Variants in FUCA2 observed in about 807,000 individuals in gnomAD.
FUCA2 encodes alpha-L-fucosidase 2.
FUCA2 carries 41 observed loss-of-function variants against 52.6 expected under a neutral mutation model. The observed-to-expected ratio is 0.78, with a 90% CI of 0.61 to 1.01. The LOEUF (loss-of-function observed/expected upper bound fraction) is 1.01. FUCA2 is among the 50% of genes least tolerant of loss of function. FUCA2 has a pLI of 0.00. For missense variants in FUCA2, 507 were observed against 569.5 expected, an observed-to-expected ratio of 0.89 and a Z score of 1.12; for synonymous variants, 211 against 217.3, an observed-to-expected ratio of 0.97 and a Z score of 0.26.
chr6:143,501,871 G>A lies in FUCA2; in HGVS notation c.1154+61C>T. ...CTTTTTATCCTACTCTTCTTTATAT[G>A]TCTGATAAATTTTAAATCTCTTCCT... is the stretch of plus-strand genomic sequence containing the variant. On this transcript the variant is annotated intron_variant, in intron 5 of 6. Coordinates refer to ENST00000002165, the MANE Select transcript of FUCA2 (RefSeq NM_032020.5). The surrounding 1 kb of genome is among the most constrained non-coding windows in gnomAD (Gnocchi z 6.1). 7.0e-7 allele frequency: 1 copy of A among 1,423,756 alleles called. No individual in the cohort carries two copies. Among genetic ancestry groups the A allele is most frequent in the East Asian group, 2.3e-5 (1 of 43,788 alleles). The allele number at this position is 1,423,756 out of a possible 1,614,324, so 88.2% of individuals were successfully genotyped here. A position where few individuals can be genotyped will look rare whatever the true frequency, so the allele number is the denominator to read the frequency against.
chr6:143,502,107 CT>C lies in FUCA2; in HGVS notation c.978del (p.Val327PhefsTer8). On this transcript the variant is annotated frameshift_variant, in exon 5 of 7. Coordinates refer to ENST00000002165, the MANE Select transcript of FUCA2 (RefSeq NM_032020.5). LOFTEE classifies it high-confidence loss of function. The surrounding 1 kb of genome is among the most constrained non-coding windows in gnomAD (Gnocchi z 4.1). ...ATCAAAAGATTTCCTCCACATGAAA[CT>C]GTCTCTACAAGTTGCTAAAAAATTA... ...IEELVKQLVE[T>X]VSCGGNLLMN... 2 of 1,607,558 alleles carry C rather than the reference CT, an allele frequency of 1.2e-6. No individual in the cohort carries two copies. Among genetic ancestry groups the C allele is most frequent in the Non-Finnish European group, 1.7e-6 (2 of 1,177,412 alleles).
In FUCA2 at chr6:143,497,303, G is replaced by C. The variant is rs1780472312; in HGVS notation, c.1263+86C>G. The C allele has an allele frequency of 4.6e-6, 4 of 865,666 alleles. No individual in the cohort carries two copies. The highest frequency in any genetic ancestry group is 5.9e-6 in the Non-Finnish European group (3 of 511,588). The allele number at this position is 865,666 out of a possible 1,614,324, so 53.6% of individuals were successfully genotyped here. A position where few individuals can be genotyped will look rare whatever the true frequency, so the allele number is the denominator to read the frequency against. On this transcript the variant is annotated intron_variant, in intron 6 of 6. Coordinates refer to ENST00000002165, the MANE Select transcript of FUCA2 (RefSeq NM_032020.5). This position sits in a 1 kb window ranked among gnomAD's most constrained non-coding sequence, Gnocchi z 5.3. ...CCTTTTATGAAGTATAAGTGAAACA[G>C]TTATAAGGCTCCCCTTAAAAGTTAA...
rs1257184676 is a variant in FUCA2 at position 143,499,023 on chromosome 6, A to G, written c.1155-1526T>C. Reference sequence around the variant, plus strand: ...GGTTTTGGGCTTGACAACCACCTAAAGGATGAAGCTGCCGTTAACTGAGAT... The same window carrying G: ...GGTTTTGGGCTTGACAACCACCTAAGGGATGAAGCTGCCGTTAACTGAGAT... On this transcript the variant is annotated intron_variant, in intron 5 of 6. Coordinates refer to ENST00000002165, the MANE Select transcript of FUCA2 (RefSeq NM_032020.5). The surrounding 1 kb of genome is among the most constrained non-coding windows in gnomAD (Gnocchi z 6.0). 6.6e-6 allele frequency among the ~76,000 whole-genome samples: 1 copy of G among 152,204 alleles called. No homozygotes were observed. The highest frequency in any genetic ancestry group is 6.5e-5 in the Admixed American group (1 of 15,288).
chr6:143,497,295 G>T lies in FUCA2; in HGVS notation c.1263+94C>A. 2.5e-6 allele frequency: 2 copies of T among 807,514 alleles called. No individual in the cohort carries two copies. The highest frequency in any genetic ancestry group is 2.1e-6 in the Non-Finnish European group (1 of 467,590). The allele number at this position is 807,514 out of a possible 1,614,324, so 50.0% of individuals were successfully genotyped here. ...TTACAATTCCTTTTATGAAGTATAA[G>T]TGAAACAGTTATAAGGCTCCCCTTA... On this transcript the variant is annotated intron_variant, in intron 6 of 6. Transcript: ENST00000002165. The surrounding 1 kb of genome is among the most constrained non-coding windows in gnomAD (Gnocchi z 5.3).
chr6:143,498,978 G>T (rs1780499487), intron 5 of FUCA2, among the ~76,000 whole-genome samples: 1 of 152,156 alleles, frequency 6.6e-6, no homozygotes, highest in Non-Finnish European at 1.5e-5. Context: ...TATAAAAGAA[G>T]GGGAAACTAA....
rs1780661648 is a variant in FUCA2, at chr6:143,510,041, C to A, written c.224+1370G>T. ...TCTGTACTAGAAGGAAAGGCAACATCCTAAGCTTCAAAGACAAGAAGTAGA... is the reference window on the plus strand; with the variant it reads ...TCTGTACTAGAAGGAAAGGCAACATACTAAGCTTCAAAGACAAGAAGTAGA... On this transcript the variant is annotated intron_variant, in intron 1 of 6. Coordinates refer to ENST00000002165, the MANE Select transcript of FUCA2 (RefSeq NM_032020.5). This position sits in a 1 kb window ranked among gnomAD's most constrained non-coding sequence, Gnocchi z 4.4. 1.3e-5 allele frequency among the ~76,000 whole-genome samples: 2 copies of A among 152,174 alleles called. No individual in the cohort carries two copies. The highest frequency in any genetic ancestry group is 4.8e-5 in the African/African-American group (2 of 41,446).
chr6:143,500,208 T>C lies in FUCA2; in HGVS notation c.1154+1724A>G, dbSNP rs1267799453. On this transcript the variant is annotated intron_variant, in intron 5 of 6. Transcript: ENST00000002165. The surrounding 1 kb of genome is among the most constrained non-coding windows in gnomAD (Gnocchi z 6.9). ...GGTGTATGCAATAGATTAGTTACAG[T>C]GATGGGCCACAGAATCTGTCCCGGA... Among the ~76,000 whole-genome samples the C allele has an allele frequency of 1.3e-5, 2 of 151,928 alleles. No homozygotes were observed.
chr6:143,502,198 T>C lies in FUCA2; in HGVS notation c.964-76A>G. ...AATGTGCTAATATGTTGCATTTATA[T>C]ATTTATACATGTATATATAGTCACT... On this transcript the variant is annotated intron_variant, in intron 4 of 6. Coordinates refer to ENST00000002165, the MANE Select transcript of FUCA2 (RefSeq NM_032020.5). This position sits in a 1 kb window ranked among gnomAD's most constrained non-coding sequence, Gnocchi z 4.1. The C allele has an allele frequency of 3.0e-6, 4 of 1,338,598 alleles. No individual in the cohort carries two copies. Among genetic ancestry groups the C allele is most frequent in the African/African-American group, 3.0e-5 (2 of 67,084 alleles). The allele number at this position is 1,338,598 out of a possible 1,614,324, so 82.9% of individuals were successfully genotyped here. A position where few individuals can be genotyped will look rare whatever the true frequency, so the allele number is the denominator to read the frequency against.
chr6:143,506,943 C>A, intron 2 of FUCA2: 2 of 317,386 alleles, frequency 6.3e-6, no homozygotes, highest in East Asian at 8.1e-5. Context: ...GACTTGCAAC[C>A]CACACTCCCT....
In FUCA2 at chr6:143,511,408, C is replaced by G; in HGVS notation, c.224+3G>C. 6.2e-7 allele frequency: 1 copy of G among 1,609,206 alleles called. No individual in the cohort carries two copies. Among genetic ancestry groups the G allele is most frequent in the Non-Finnish European group, 8.5e-7 (1 of 1,177,384 alleles). On this transcript the variant is annotated splice_donor_region_variant and intron_variant, in intron 1 of 6. Transcript: ENST00000002165. This position sits in a 1 kb window ranked among gnomAD's most constrained non-coding sequence, Gnocchi z 6.3. ...CAGACGAGACAAAAGGGAGCGCACTCACCAGAACCACTCGCTACCGAAGCT... is the reference window on the plus strand; with the variant it reads ...CAGACGAGACAAAAGGGAGCGCACTGACCAGAACCACTCGCTACCGAAGCT...
chr6:143,498,596 A>T (rs1780493528), intron 5 of FUCA2, among the ~76,000 whole-genome samples: 1 of 152,178 alleles, frequency 6.6e-6, no homozygotes, highest in Non-Finnish European at 1.5e-5. Flanking sequence ...CTAGCAAGGC[A>T]GAGTGCCTGA....
At position 143,510,835 on chromosome 6, in the gene FUCA2, C is replaced by CGGCA. The variant is rs776906396; in HGVS notation, c.224+572_224+575dup. 1.3e-4 allele frequency among the ~76,000 whole-genome samples: 20 copies of CGGCA among 151,700 alleles called. No homozygotes were observed. Among genetic ancestry groups the CGGCA allele is most frequent in the Non-Finnish European group, 2.8e-4 (19 of 68,016 alleles). ...AGATTTTTGTGTAGCACCTTTCATA[C>CGGCA]GGCAGTATGATAACTGGGTTGTGTT... On this transcript the variant is annotated intron_variant, in intron 1 of 6. Coordinates refer to ENST00000002165, the MANE Select transcript of FUCA2 (RefSeq NM_032020.5). The surrounding 1 kb of genome is among the most constrained non-coding windows in gnomAD (Gnocchi z 4.4).
Position 143,499,225 on chromosome 6 carries a change from A to G in FUCA2, c.1155-1728T>C, listed in dbSNP as rs188678461. On this transcript the variant is annotated intron_variant, in intron 5 of 6. Coordinates refer to ENST00000002165, the MANE Select transcript of FUCA2 (RefSeq NM_032020.5). The surrounding 1 kb of genome is among the most constrained non-coding windows in gnomAD (Gnocchi z 6.0). The stretch of plus-strand genomic sequence containing the variant: ...AAATAGAAATGTGGAGATCATCAAT[A>G]TGGCATTTAAAGCCATGAAAATGGA... 7.9e-5 allele frequency among the ~76,000 whole-genome samples: 12 copies of G among 152,322 alleles called. No individual in the cohort carries two copies. The highest frequency in any genetic ancestry group is 2.9e-4 in the African/African-American group (12 of 41,566).
At position 143,507,053 on chromosome 6, in the gene FUCA2, C is replaced by T. The variant is rs1056146057; in HGVS notation, c.412+184G>A. Reference sequence around the variant, plus strand: ...TGTTACGTGGCGGGTATGATCCTTTCTGTATTCCTAACATCTCTCAATTTG... The same window carrying T: ...TGTTACGTGGCGGGTATGATCCTTTTTGTATTCCTAACATCTCTCAATTTG... On this transcript the variant is annotated intron_variant, in intron 2 of 6. Transcript: ENST00000002165. The surrounding 1 kb of genome is among the most constrained non-coding windows in gnomAD (Gnocchi z 4.5). The T allele has an allele frequency of 9.2e-6, 5 of 541,660 alleles. No individual in the cohort carries two copies. The highest frequency in any genetic ancestry group is 1.6e-5 in the Non-Finnish European group (5 of 315,538). The allele number at this position is 541,660 out of a possible 1,614,324, so 33.6% of individuals were successfully genotyped here.
Position 143,511,231 on chromosome 6 carries a change from C to T in FUCA2, c.224+180G>A, listed in dbSNP as rs1451619348. ...ATTCCCTGTTCATCCAGCAGAAGCA[C>T]TTAGGCAGGAAACCACATATTCGAC... On this transcript the variant is annotated intron_variant, in intron 1 of 6. Coordinates refer to ENST00000002165, the MANE Select transcript of FUCA2 (RefSeq NM_032020.5). This position sits in a 1 kb window ranked among gnomAD's most constrained non-coding sequence, Gnocchi z 6.3. 6.6e-6 allele frequency among the ~76,000 whole-genome samples: 1 copy of T among 152,166 alleles called. No homozygotes were observed. Among genetic ancestry groups the T allele is most frequent in the Non-Finnish European group, 1.5e-5 (1 of 68,036 alleles).
At position 143,499,053 on chromosome 6, in the gene FUCA2, A is replaced by G. The variant is rs1780500124; in HGVS notation, c.1155-1556T>C. 6.6e-6 allele frequency among the ~76,000 whole-genome samples: 1 copy of G among 152,214 alleles called. No homozygotes were observed. Among genetic ancestry groups the G allele is most frequent in the South Asian group, 2.1e-4 (1 of 4,832 alleles). On this transcript the variant is annotated intron_variant, in intron 5 of 6. Transcript: ENST00000002165. This position sits in a 1 kb window ranked among gnomAD's most constrained non-coding sequence, Gnocchi z 6.0. ...GAAGCTGCCGTTAACTGAGATGGGA[A>G]AGACCATGGGTGGAGCTAGTTGATA...
Position 143,511,456 on chromosome 6 carries a change from T to C in FUCA2, c.179A>G (p.His60Arg). The C allele has an allele frequency of 6.2e-7, 1 of 1,610,852 alleles. No individual in the cohort carries two copies. Among genetic ancestry groups the C allele is most frequent in the Non-Finnish European group, 8.5e-7 (1 of 1,178,584 alleles). ...FDQAKFGIFI[H>R]WGVFSVPSFG... ...GCTGGGCACGGAAAACACTCCCCAG[T>C]GGATGAAGATGCCGAACTTGGCCTG... is the stretch of plus-strand genomic sequence containing the variant. Residue 60 changes from histidine to arginine, a missense_variant, in exon 1 of 7, where the codon CAC (histidine) becomes CGC (arginine). Physicochemically the swap from His to Arg is conservative, Grantham distance 29. Coordinates refer to ENST00000002165, the MANE Select transcript of FUCA2 (RefSeq NM_032020.5). The surrounding 1 kb of genome is among the most constrained non-coding windows in gnomAD (Gnocchi z 6.3).
Position 143,502,568 on chromosome 6 carries a change from G to A in FUCA2, c.753-3C>T, listed in dbSNP as rs1175109438. The A allele has an allele frequency of 1.9e-6, 3 of 1,605,290 alleles. No homozygotes were observed. The highest frequency in any genetic ancestry group is 2.5e-6 in the Non-Finnish European group (3 of 1,177,454). On this transcript the variant is annotated splice_polypyrimidine_tract_variant and splice_region_variant and intron_variant, in intron 3 of 6. Transcript: ENST00000002165. The surrounding 1 kb of genome is among the most constrained non-coding windows in gnomAD (Gnocchi z 4.1). ...TGACTACTGTGCCCCGAACTGGGCTGAAATGAAACATACAATTTTTTAAAA... is the reference window on the plus strand; with the variant it reads ...TGACTACTGTGCCCCGAACTGGGCTAAAATGAAACATACAATTTTTTAAAA...
chr6:143,510,975 A>G lies in FUCA2; in HGVS notation c.224+436T>C, dbSNP rs1233161826. Among the ~76,000 whole-genome samples the G allele has an allele frequency of 1.3e-5, 2 of 152,206 alleles. No individual in the cohort carries two copies. Among genetic ancestry groups the G allele is most frequent in the African/African-American group, 4.8e-5 (2 of 41,438 alleles). On this transcript the variant is annotated intron_variant, in intron 1 of 6. Transcript: ENST00000002165. The surrounding 1 kb of genome is among the most constrained non-coding windows in gnomAD (Gnocchi z 4.4). ...ACAGTCGTTTCACATACTCATGACTATGTTTTAACCATAACTTCATGGCAG... is the reference window on the plus strand; with the variant it reads ...ACAGTCGTTTCACATACTCATGACTGTGTTTTAACCATAACTTCATGGCAG...
Sources: gnomAD v4.1 joint callset for allele counts (sites outside exome capture counted in the v4.1 genomes callset) on GRCh38, gnomAD v4.1.1 for gene constraint, Gnocchi (gnomAD v3.1) non-coding constraint, MANE v1.5 for transcripts, NCBI Gene and HGNC (gene_info 2026-07-23, HGNC 2026-07-21) for gene names.